The following RASSF5 variants were observed in gnomAD, a reference collection of about 807,000 sequenced individuals.
RASSF5 encodes Ras association domain family member 5.
A neutral mutation model predicts 40.5 loss-of-function variants in RASSF5; 25 were observed. That is an observed-to-expected ratio of 0.62 (90% CI 0.45 to 0.86). RASSF5 has a LOEUF of 0.86. Ranked by LOEUF, RASSF5 falls within the 40% of genes least tolerant of loss-of-function variation. The pLI is 0.00. For synonymous variants in RASSF5, 246 were observed against 252.4 expected (o/e 0.97, Z 0.24); for missense variants, 521 against 572.8 (o/e 0.91, Z 0.92).
intron 2 of RASSF5, among the ~76,000 whole-genome samples, chr1:206,578,232 A>AGTTTG (rs1553405555): frequency 2.3e-5 from 3 of 130,422 alleles, no homozygotes; most frequent in African/African-American, 9.0e-5. Flanking sequence ...CAAAAAAAAA[A>AGTTTG]AGTGTGTGTG....
chr1:206,587,064 C>T lies in RASSF5; in HGVS notation c.*86C>T, dbSNP rs939076151. The T allele has an allele frequency of 4.7e-6, 7 of 1,502,046 alleles. No individual in the cohort carries two copies. The highest frequency in any genetic ancestry group is 1.2e-5 in the South Asian group (1 of 84,192). The allele number at this position is 1,502,046 out of a possible 1,614,324, so 93.0% of individuals were successfully genotyped here. A position where few individuals can be genotyped will look rare whatever the true frequency, so the allele number is the denominator to read the frequency against. On this transcript the variant is annotated 3_prime_UTR_variant, in exon 6 of 6. Transcript: ENST00000579436. The stretch of plus-strand genomic sequence containing the variant: ...TTGCAACAGACACTTTTTCTCAGGA[C>T]ATCTCTGGCAGGTGCATTTGTGCCT...
In RASSF5 at chr1:206,535,709, GTGTGTGGTGT is replaced by G. The variant is rs1667368352; in HGVS notation, c.458-2462_458-2453del. Among the ~76,000 whole-genome samples the G allele has an allele frequency of 1.3e-5, 1 of 78,502 alleles. No individual in the cohort carries two copies. Among genetic ancestry groups the G allele is most frequent in the African/African-American group, 5.1e-5 (1 of 19,476 alleles). The allele number at this position is 78,502 out of a possible 152,430, so 51.5% of individuals were successfully genotyped here. A position where few individuals can be genotyped will look rare whatever the true frequency, so the allele number is the denominator to read the frequency against. ...GGTGTGTGTGTGTGTGTGTCTGTGT[GTGTGTGGTGT>G]GTGTGTGTGTGTGTGTGTGTGTGTG... On this transcript the variant is annotated intron_variant, in intron 1 of 5. Transcript: ENST00000579436. This position sits in a 1 kb window ranked among gnomAD's most constrained non-coding sequence, Gnocchi z 5.0.
intron 2 of RASSF5, among the ~76,000 whole-genome samples, chr1:206,566,766 T>C (rs1477866573): frequency 2.6e-5 from 4 of 152,148 alleles, no homozygotes; most frequent in Non-Finnish European, 4.4e-5. Flanking sequence ...AACTCAGATG[T>C]CCCCTTCTCT....
At position 206,531,548 on chromosome 1, in the gene RASSF5, G is replaced by A. The variant is rs1201913446; in HGVS notation, c.458-6624G>A. 2.0e-5 allele frequency among the ~76,000 whole-genome samples: 3 copies of A among 152,160 alleles called. No individual in the cohort carries two copies. Among genetic ancestry groups the A allele is most frequent in the Non-Finnish European group, 4.4e-5 (3 of 68,022 alleles). On this transcript the variant is annotated intron_variant, in intron 1 of 5. Transcript: ENST00000579436. The surrounding 1 kb of genome is among the most constrained non-coding windows in gnomAD (Gnocchi z 4.7). The stretch of plus-strand genomic sequence containing the variant: ...CTGGGATGGTCTGTGCGCAGAGGGC[G>A]CTGGAGACCCTCTCTGGGTGTTCTT...
chr1:206,551,961 A>T (rs539710922), intron 2 of RASSF5, among the ~76,000 whole-genome samples: 1 of 152,234 alleles, frequency 6.6e-6, no homozygotes, highest in Admixed American at 6.5e-5. Flanking sequence ...GTCACTCTGT[A>T]TTCTCACTAG....
intron 1 of RASSF5, among the ~76,000 whole-genome samples, chr1:206,521,965 G>T (rs1666920022): frequency 6.6e-6 from 1 of 152,212 alleles, no homozygotes; most frequent in South Asian, 2.1e-4. Flanking sequence ...ACTGGCTTTG[G>T]ATATCATGGG....
chr1:206,517,056 G>A (rs1430590766), intron 1 of RASSF5, among the ~76,000 whole-genome samples: 1 of 152,198 alleles, frequency 6.6e-6, no homozygotes, highest in Non-Finnish European at 1.5e-5. Context: ...GGAAGCATTA[G>A]GGAGAAAGAA....
intron 2 of RASSF5, among the ~76,000 whole-genome samples, chr1:206,567,374 A>T (rs192974201): frequency 1.8e-3 from 271 of 152,192 alleles, no homozygotes; most frequent in African/African-American, 6.0e-3. Context: ...GGAGGAAGAA[A>T]CCCATAAATC....
At chr1:206,521,571 A>G (rs1193362934) in intron 1 of RASSF5, among the ~76,000 whole-genome samples, 1 of 152,156 alleles carries the variant, frequency 6.6e-6, no homozygotes, top group Non-Finnish European at 1.5e-5. Context: ...TCTCCTTGCA[A>G]TCCTATTTGG....
chr1:206,537,596 T>G (rs1667449212), intron 1 of RASSF5, among the ~76,000 whole-genome samples: 1 of 152,230 alleles, frequency 6.6e-6, no homozygotes, highest in African/African-American at 2.4e-5. Context: ...ATATGTATGA[T>G]ACCAGTCAAG....
rs1286813800 is a variant in RASSF5, at chr1:206,560,098, T to G, written c.579+21805T>G. On this transcript the variant is annotated intron_variant, in intron 2 of 5. Coordinates refer to ENST00000579436, the MANE Select transcript of RASSF5 (RefSeq NM_182663.4). This position sits in a 1 kb window ranked among gnomAD's most constrained non-coding sequence, Gnocchi z 5.1. ...ACCCAAAGAGAGATCACGCTTGAGC[T>G]CCTAAGAGAATTTCTTTTTCCTGTC... is the stretch of plus-strand genomic sequence containing the variant. 5.9e-5 allele frequency among the ~76,000 whole-genome samples: 9 copies of G among 152,220 alleles called. No individual in the cohort carries two copies. The highest frequency in any genetic ancestry group is 2.2e-4 in the African/African-American group (9 of 41,450).
At position 206,584,351 on chromosome 1, in the gene RASSF5, C is replaced by T. The variant is rs782125859; in HGVS notation, c.691-36C>T. ...GGCAGATATGATCATGCAAGGCGGA[C>T]GGCCCTGACCCCCTGTGACATGCCC... On this transcript the variant is annotated intron_variant, in intron 3 of 5. Transcript: ENST00000579436. The surrounding 1 kb of genome is among the most constrained non-coding windows in gnomAD (Gnocchi z 4.9). 11 of 1,572,852 alleles carry T rather than the reference C, an allele frequency of 7.0e-6. No individual in the cohort carries two copies. Among genetic ancestry groups the T allele is most frequent in the South Asian group, 4.8e-5 (4 of 83,900 alleles).
At chr1:206,557,750 C>A in intron 2 of RASSF5, 1 of 1,581,062 alleles carries the variant, frequency 6.3e-7, no homozygotes, top group Non-Finnish European at 8.7e-7. Flanking sequence ...CCTCTGTGGT[C>A]AATCTAGAAG....
chr1:206,540,503 G>A (rs1209201195), intron 2 of RASSF5, among the ~76,000 whole-genome samples: 1 of 152,260 alleles, frequency 6.6e-6, no homozygotes, highest in Non-Finnish European at 1.5e-5. Flanking sequence ...ACCGCCCCCA[G>A]TGGGCAAACA....
intron 4 of RASSF5, 145 bp from the exon 5 acceptor site, chr1:206,585,035 T>TA (rs1669054167): frequency 2.9e-6 from 2 of 679,106 alleles, no homozygotes; most frequent in African/African-American, 3.6e-5. Flanking sequence ...CCCTGTTCAT[T>TA]ACTGTCATGT....
chr1:206,532,832 T>C (rs1553398137), intron 1 of RASSF5, among the ~76,000 whole-genome samples: 1 of 152,186 alleles, frequency 6.6e-6, no homozygotes, highest in African/African-American at 2.4e-5. Context: ...GTTGTCTCTG[T>C]ATCTTGCATG....
rs1362005135 is a variant in RASSF5, at chr1:206,521,006, AGAG to A, written c.457+12951_457+12953del. ...ACTTGAAGGTTGCCCAGGTAAAAGTAGAGGAGAGACATAAACTCACAAACACAT... is the reference window on the plus strand; with the variant it reads ...ACTTGAAGGTTGCCCAGGTAAAAGTAGAGAGACATAAACTCACAAACACAT... On this transcript the variant is annotated intron_variant, in intron 1 of 5. Transcript: ENST00000579436. 3.9e-5 allele frequency among the ~76,000 whole-genome samples: 6 copies of A among 152,330 alleles called. No homozygotes were observed. The East Asian group carries it at 1.2e-3, about 29-fold the overall frequency.
At chr1:206,557,428 G>A in intron 2 of RASSF5, 1 of 1,416,596 alleles carries the variant, frequency 7.1e-7, no homozygotes, top group South Asian at 1.5e-5. Flanking sequence ...TGCCTGGTCC[G>A]CTACCCGACC....
At chr1:206,516,286 T>G (rs551269326) in intron 1 of RASSF5, among the ~76,000 whole-genome samples, 2 of 152,294 alleles carry the variant, frequency 1.3e-5, no homozygotes, top group South Asian at 4.1e-4. Context: ...GGAATGAAGA[T>G]CCTAGAGCTT....
Sources: gnomAD v4.1 joint callset for allele counts (sites outside exome capture counted in the v4.1 genomes callset) on GRCh38, gnomAD v4.1.1 for gene constraint, Gnocchi (gnomAD v3.1) non-coding constraint, MANE v1.5 for transcripts, NCBI Gene and HGNC (gene_info 2026-07-23, HGNC 2026-07-21) for gene names.